The following GNPTAB variants were observed in gnomAD, a reference collection of about 807,000 sequenced individuals.
GNPTAB encodes the protein N-acetylglucosamine-1-phosphotransferase subunits alpha/beta.
In GNPTAB, 92 loss-of-function variants were observed where a neutral mutation model predicts 136.6. The observed-to-expected ratio is 0.67, with a 90% CI of 0.57 to 0.80. The LOEUF is 0.80. Among genes scored for constraint, GNPTAB ranks in the 30% least tolerant of loss-of-function variants. The pLI is 0.00. For missense variants in GNPTAB, 1,343 were observed against 1,501.8 expected, an observed-to-expected ratio of 0.89 and a Z score of 1.75; for synonymous variants, 512 against 535.1, an observed-to-expected ratio of 0.96 and a Z score of 0.60.
chr12:101,776,501 A>G (rs549900792), intron 7 of GNPTAB, among the ~76,000 whole-genome samples: 5 of 152,354 alleles, frequency 3.3e-5, no homozygotes, highest in African/African-American at 9.6e-5. Context: ...ATGAATTCAA[A>G]TCCATTATCT....
intron 1 of GNPTAB, among the ~76,000 whole-genome samples, chr12:101,818,339 T>C (rs369685066): frequency 1.7e-4 from 26 of 151,856 alleles, no homozygotes; most frequent in East Asian, 1.6e-3. Flanking sequence ...GACTATGAGT[T>C]CCTCCAGAGC....
intron 16 of GNPTAB, among the ~76,000 whole-genome samples, chr12:101,758,375 A>T (rs1273435140): frequency 6.6e-6 from 1 of 152,128 alleles, no homozygotes; most frequent in Non-Finnish European, 1.5e-5. Context: ...GGGTTTCACC[A>T]TGTTGGCCAG....
chr12:101,765,656 G>A (rs1480355418), intron 12 of GNPTAB: 2 of 360,472 alleles, frequency 5.5e-6, no homozygotes, highest in South Asian at 2.7e-5. Flanking sequence ...ATAGAGATAT[G>A]GCATGGTTCT....
chr12:101,822,497 T>C (rs186809219), intron 1 of GNPTAB, among the ~76,000 whole-genome samples: 5 of 152,312 alleles, frequency 3.3e-5, no homozygotes, highest in Admixed American at 3.3e-4. Context: ...AGGAAGAAGT[T>C]TCCTGTCCTC....
intron 18 of GNPTAB, among the ~76,000 whole-genome samples, chr12:101,755,661 A>C (rs1398785580): frequency 6.6e-6 from 1 of 152,234 alleles, no homozygotes; most frequent in East Asian, 1.9e-4. Flanking sequence ...TGTTAACGGG[A>C]TAAACATGTC....
intron 1 of GNPTAB, among the ~76,000 whole-genome samples, chr12:101,823,779 G>A (rs144372442): frequency 3.3e-5 from 5 of 152,048 alleles, no homozygotes; most frequent in Non-Finnish European, 7.4e-5. Flanking sequence ...ATTTATAACG[G>A]CACACTTGAG....
chr12:101,747,283 T>C, intron 20 of GNPTAB, 42 bp from the exon 21 acceptor site: 1 of 1,160,914 alleles, frequency 8.6e-7, no homozygotes, highest in South Asian at 1.2e-5. Flanking sequence ...ATTCTCACGT[T>C]GATGAAAGAA....
intron 13 of GNPTAB, among the ~76,000 whole-genome samples, chr12:101,761,991 G>A (rs1274426652): frequency 1.3e-5 from 2 of 151,026 alleles, no homozygotes; most frequent in African/African-American, 4.9e-5. Context: ...ACAGCTGTAC[G>A]ATGGAGATCT....
chr12:101,817,776 A>G (rs1253478718), intron 1 of GNPTAB, among the ~76,000 whole-genome samples: 1 of 152,192 alleles, frequency 6.6e-6, no homozygotes, highest in Non-Finnish European at 1.5e-5. Context: ...TCTGGGGAAC[A>G]TAGCGAGATC....
At chr12:101,822,163 C>T (rs1870834782) in intron 1 of GNPTAB, among the ~76,000 whole-genome samples, 5 of 152,184 alleles carry the variant, frequency 3.3e-5, no homozygotes, top group Admixed American at 2.0e-4. Flanking sequence ...CCTGTAATCC[C>T]AGCACTTTGG....
At chr12:101,760,485 G>A (rs909967472) in intron 15 of GNPTAB, among the ~76,000 whole-genome samples, 1 of 152,280 alleles carries the variant, frequency 6.6e-6, no homozygotes, top group East Asian at 1.9e-4. Flanking sequence ...TGCCATGAAG[G>A]AGGGGCTAGC....
At chr12:101,810,003 G>A (rs1870132915) in intron 1 of GNPTAB, among the ~76,000 whole-genome samples, 1 of 152,152 alleles carries the variant, frequency 6.6e-6, no homozygotes, top group African/African-American at 2.4e-5. Flanking sequence ...AACAGGCCAG[G>A]TATGGTGATT....
chr12:101,770,926 A>G, intron 8 of GNPTAB, 70 bp downstream of exon 8: 1 of 1,428,914 alleles, frequency 7.0e-7, no homozygotes, highest in South Asian at 1.1e-5. Context: ...CTCTTCTAAT[A>G]TAGTAACTTA....
intron 3 of GNPTAB, among the ~76,000 whole-genome samples, chr12:101,788,889 C>G (rs948495761): frequency 6.6e-6 from 1 of 152,216 alleles, no homozygotes; most frequent in Non-Finnish European, 1.5e-5. Flanking sequence ...TTACATCAGC[C>G]AGGTTCCTAC....
At chr12:101,806,761 T>TA (rs770469953) in intron 1 of GNPTAB, among the ~76,000 whole-genome samples, 5 of 151,910 alleles carry the variant, frequency 3.3e-5, no homozygotes, top group African/African-American at 9.7e-5. Context: ...GCTATATCTA[T>TA]AAAAAAATTT....
At position 101,817,265 on chromosome 12, in the gene GNPTAB, C is replaced by CTTTTT. The variant is rs71438444; in HGVS notation, c.117+13289_117+13293dup. On this transcript the variant is annotated intron_variant, in intron 1 of 20. Transcript: ENST00000299314. ...CCATTACCCAGATTTTATCATTCCA[C>CTTTTT]TTTTTTTTTTTTTTTTTTTTTTGAG... Among the ~76,000 whole-genome samples the CTTTTT allele has an allele frequency of 1.7e-4, 18 of 108,214 alleles. 1 individual carries two copies. The highest frequency in any genetic ancestry group is 6.3e-4 in the South Asian group (2 of 3,200). 71.0% of individuals were successfully genotyped at this position (108,214 alleles called of 152,430 possible). A position where few individuals can be genotyped will look rare whatever the true frequency, so the allele number is the denominator to read the frequency against.
At chr12:101,809,575 A>T (rs1346381765) in intron 1 of GNPTAB, among the ~76,000 whole-genome samples, 1 of 152,230 alleles carries the variant, frequency 6.6e-6, no homozygotes, top group Non-Finnish European at 1.5e-5. Context: ...TCAGTGCTAC[A>T]AAGAAAAGAG....
chr12:101,754,382 G>C (rs1952869316), intron 18 of GNPTAB, among the ~76,000 whole-genome samples: 1 of 151,794 alleles, frequency 6.6e-6, no homozygotes, highest in Non-Finnish European at 1.5e-5. Flanking sequence ...GCAATCTTTA[G>C]ATTGCACCAC....
chr12:101,796,628 G>T, intron 2 of GNPTAB, 49 bp downstream of exon 2: 1 of 1,224,742 alleles, frequency 8.2e-7, no homozygotes, highest in South Asian at 1.2e-5. Context: ...GCTATTTCAT[G>T]ACTTACGATT....
Sources: allele counts gnomAD v4.1 joint callset (sites outside exome capture counted in the v4.1 genomes callset), GRCh38; gene constraint gnomAD v4.1.1; transcripts MANE v1.5; gene names NCBI Gene and HGNC (gene_info 2026-07-23, HGNC 2026-07-21).